Variants in CHRNA7 observed in about 807,000 individuals in gnomAD.
The protein encoded by CHRNA7 is neuronal acetylcholine receptor subunit alpha-7.
CHRNA7 carries 17 observed loss-of-function variants against 48.0 expected under a neutral mutation model. The ratio of observed to expected loss-of-function variants is 0.35; its 90% CI spans 0.24 to 0.53. CHRNA7 has a LOEUF of 0.53. Ranked by LOEUF, CHRNA7 falls within the 20% of genes least tolerant of loss-of-function variation. CHRNA7 has a pLI of 0.92. For missense variants in CHRNA7, 155 were observed against 577.7 expected (o/e 0.27, Z 7.50); for synonymous variants, 75 against 242.3 (o/e 0.31, Z 6.41).
chr15:32,075,052 A>C (rs2141224183), intron 2 of CHRNA7, among the ~76,000 whole-genome samples: 1 of 152,308 alleles, frequency 6.6e-6, no homozygotes, highest in African/African-American at 2.4e-5. Context: ...AACCAGCCTT[A>C]AATCCCTGGA....
At chr15:32,123,983 C>T (rs76638638) in intron 4 of CHRNA7, among the ~76,000 whole-genome samples, 2 of 87,170 alleles carry the variant, frequency 2.3e-5, no homozygotes, top group Non-Finnish European at 4.7e-5. Context: ...AAAAAAAAAA[C>T]AGCCTACAAA....
At chr15:32,063,433 A>G (rs1456977637) in intron 2 of CHRNA7, among the ~76,000 whole-genome samples, 1 of 152,196 alleles carries the variant, frequency 6.6e-6, no homozygotes, top group Non-Finnish European at 1.5e-5. Context: ...CTTCCAGGTG[A>G]AAAGTTACAT....
intron 2 of CHRNA7, chr15:32,101,080 C>A: frequency 2.2e-6 from 1 of 458,290 alleles, no homozygotes; most frequent in Non-Finnish European, 3.8e-6. Flanking sequence ...TATACTTTTC[C>A]ATCTTTTTTA....
At chr15:32,147,297 C>T (rs1285709806) in intron 4 of CHRNA7, among the ~76,000 whole-genome samples, 2 of 152,236 alleles carry the variant, frequency 1.3e-5, no homozygotes, top group Non-Finnish European at 2.9e-5. Context: ...GGATACTCTG[C>T]TCACTGCCTG....
intron 8 of CHRNA7, chr15:32,161,202 AGTGAGTTCCTTCCTGGC>A (rs1289297708): frequency 1.1e-4 from 1 of 9,146 alleles, no homozygotes; most frequent in Non-Finnish European, 4.1e-4. Flanking sequence ...GTAGGAAGGC[AGTGAGTTCCTTCCTGGC>A]GTGAGGGCCT....
chr15:32,047,387 A>T (rs35979973), intron 2 of CHRNA7, among the ~76,000 whole-genome samples: 1 of 149,986 alleles, frequency 6.7e-6, no homozygotes, highest in Non-Finnish European at 1.5e-5. Flanking sequence ...GGTCCTTCAC[A>T]TCCCTTGTAA....
chr15:32,134,177 G>T (rs1595484516), intron 4 of CHRNA7, among the ~76,000 whole-genome samples: 1 of 148,746 alleles, frequency 6.7e-6, no homozygotes. Flanking sequence ...TTTTTTTTCT[G>T]AGACTGAGTC....
intron 2 of CHRNA7, among the ~76,000 whole-genome samples, chr15:32,069,937 A>G (rs2050027070): frequency 6.6e-6 from 1 of 152,112 alleles, no homozygotes; most frequent in Admixed American, 6.5e-5. Flanking sequence ...AGTACTACAT[A>G]TGCTATTTTT....
At chr15:32,062,794 C>G (rs569062386) in intron 2 of CHRNA7, among the ~76,000 whole-genome samples, 1 of 152,254 alleles carries the variant, frequency 6.6e-6, no homozygotes, top group East Asian at 1.9e-4. Context: ...ACTCCCAGAA[C>G]TTGGTGCTAA....
chr15:32,070,811 C>T (rs866036658), intron 2 of CHRNA7, among the ~76,000 whole-genome samples: 8 of 150,334 alleles, frequency 5.3e-5, no homozygotes, highest in Middle Eastern at 3.2e-3. Context: ...CTCAGCCTCC[C>T]GAGTAGCTGG....
chr15:32,129,149 G>A (rs1176049886), intron 4 of CHRNA7, among the ~76,000 whole-genome samples: 5 of 151,876 alleles, frequency 3.3e-5, no homozygotes, highest in Admixed American at 3.3e-4. Context: ...CTGCTAAGTT[G>A]TATTGCCAAT....
At chr15:32,145,032 TCTC>T (rs1331108607) in intron 4 of CHRNA7, among the ~76,000 whole-genome samples, 10 of 152,204 alleles carry the variant, frequency 6.6e-5, no homozygotes, top group African/African-American at 2.4e-4. Flanking sequence ...TTTCTGCTCT[TCTC>T]CTCATCTTTG....
chr15:32,080,153 G>A (rs746412195), intron 2 of CHRNA7, among the ~76,000 whole-genome samples: 20 of 151,986 alleles, frequency 1.3e-4, no homozygotes, highest in Non-Finnish European at 1.6e-4. Context: ...TATTAACTCA[G>A]GGTGGATTAA....
At position 32,119,992 on chromosome 15, in the gene CHRNA7, C is replaced by T. The variant is rs78340891; in HGVS notation, c.350+8093C>T. On this transcript the variant is annotated intron_variant, in intron 4 of 9. Coordinates refer to ENST00000306901, the MANE Select transcript of CHRNA7 (RefSeq NM_000746.6). The stretch of plus-strand genomic sequence containing the variant: ...ATGCACTGCGTTCAGCCTACTTGCC[C>T]GCAGCTCCTGGTCTTCAGCACCCTG... 7.2e-3 allele frequency among the ~76,000 whole-genome samples: 1,090 copies of T among 152,288 alleles called. 10 individuals are homozygous for T. The highest frequency in any genetic ancestry group is 0.025 in the African/African-American group (1,041 of 41,552).
chr15:32,076,696 C>T (rs2050140893), intron 2 of CHRNA7, among the ~76,000 whole-genome samples: 1 of 152,088 alleles, frequency 6.6e-6, no homozygotes, highest in Non-Finnish European at 1.5e-5. Flanking sequence ...CTGTGTCACC[C>T]CACATGCATA....
intron 4 of CHRNA7, among the ~76,000 whole-genome samples, chr15:32,148,943 A>G (rs1429075154): frequency 6.6e-6 from 1 of 151,334 alleles, no homozygotes; most frequent in Non-Finnish European, 1.5e-5. Flanking sequence ...TCCTCCTCCT[A>G]CCCCCGCTAA....
chr15:32,111,781 G>A lies in CHRNA7; in HGVS notation c.241-9G>A, dbSNP rs148971791. The A allele has an allele frequency of 5.4e-4, 841 of 1,545,516 alleles. 4 individuals carry two copies. The African/African-American group carries it at 9.6e-3, about 18-fold the overall frequency. ...AGTGAAGTGCTGCTAATGTCATTGT[G>A]TGTGTCAGTCTTGGACAGATCACTA... On this transcript the variant is annotated splice_polypyrimidine_tract_variant and intron_variant, in intron 3 of 9. Transcript: ENST00000306901.
chr15:32,134,369 G>A lies in CHRNA7; in HGVS notation c.351-19538G>A, dbSNP rs142110561. ...AGATGGGGTTTCACCATGTTAGCCAGGCTGGTCTTGAACTCCTGACCTCAG... is the reference window on the plus strand; with the variant it reads ...AGATGGGGTTTCACCATGTTAGCCAAGCTGGTCTTGAACTCCTGACCTCAG... On this transcript the variant is annotated intron_variant, in intron 4 of 9. Transcript: ENST00000306901. 2.8e-3 allele frequency among the ~76,000 whole-genome samples: 427 copies of A among 152,266 alleles called. 1 individual carries two copies. The highest frequency in any genetic ancestry group is 2.9e-3 in the Non-Finnish European group (199 of 68,012).
chr15:32,141,581 G>A (rs1261086556), intron 4 of CHRNA7, among the ~76,000 whole-genome samples: 1 of 152,080 alleles, frequency 6.6e-6, no homozygotes, highest in Non-Finnish European at 1.5e-5. Flanking sequence ...ATTTGTTTGT[G>A]TCCTCTTTTA....
Sources: allele counts gnomAD v4.1 joint callset (sites outside exome capture counted in the v4.1 genomes callset), GRCh38; gene constraint gnomAD v4.1.1; transcripts MANE v1.5; gene names NCBI Gene and HGNC (gene_info 2026-07-23, HGNC 2026-07-21).